Variants in PDZRN4 observed in about 807,000 individuals in gnomAD.
The protein encoded by PDZRN4 is PDZ domain-containing RING finger protein 4.
PDZRN4 carries 70 observed loss-of-function variants against 99.0 expected under a neutral mutation model. That is an observed-to-expected ratio of 0.71 (90% confidence interval 0.58 to 0.86). PDZRN4 has a LOEUF of 0.86. Among genes scored for constraint, PDZRN4 ranks in the 40% least tolerant of loss-of-function variants. The pLI is 0.00. For missense variants in PDZRN4, 1,474 were observed against 1,331.2 expected (o/e 1.11, Z -1.67); for synonymous variants, 551 against 501.6 (o/e 1.10, Z -1.32).
At chr12:41,291,257 T>A (rs747236529) in intron 3 of PDZRN4, among the ~76,000 whole-genome samples, 3 of 135,562 alleles carry the variant, frequency 2.2e-5, no homozygotes, top group African/African-American at 5.3e-5. Flanking sequence ...ACACTATTAT[T>A]TGTTCTAATA....
intron 3 of PDZRN4, among the ~76,000 whole-genome samples, chr12:41,450,051 A>C (rs998011892): frequency 6.6e-6 from 1 of 152,156 alleles, no homozygotes; most frequent in African/African-American, 2.4e-5. Flanking sequence ...AATTTCTTCA[A>C]CTGCAAATAT....
chr12:41,233,962 C>A (rs1446077385), intron 3 of PDZRN4, among the ~76,000 whole-genome samples: 1 of 150,888 alleles, frequency 6.6e-6, no homozygotes, highest in African/African-American at 2.4e-5. Context: ...AAAAAAAAAA[C>A]AAAGAAATCT....
chr12:41,295,251 A>C (rs1048145044), intron 3 of PDZRN4, among the ~76,000 whole-genome samples: 1 of 152,192 alleles, frequency 6.6e-6, no homozygotes, highest in Non-Finnish European at 1.5e-5. Context: ...ATGAAAATTA[A>C]AAAAAGGATT....
chr12:41,372,067 T>C (rs1283535710), intron 3 of PDZRN4, among the ~76,000 whole-genome samples: 1 of 152,084 alleles, frequency 6.6e-6, no homozygotes, highest in Non-Finnish European at 1.5e-5. Flanking sequence ...TTTTTATTGA[T>C]AGTCTTTTAA....
At chr12:41,447,278 G>A (rs1952737400) in intron 3 of PDZRN4, among the ~76,000 whole-genome samples, 4 of 152,130 alleles carry the variant, frequency 2.6e-5, no homozygotes, top group Non-Finnish European at 4.4e-5. Context: ...TATAATGTTT[G>A]AAGTTGACTT....
At chr12:41,326,431 A>G (rs2120983115) in intron 3 of PDZRN4, among the ~76,000 whole-genome samples, 1 of 152,180 alleles carries the variant, frequency 6.6e-6, no homozygotes, top group Non-Finnish European at 1.5e-5. Flanking sequence ...ATAAACTTCA[A>G]ATTCCATTAA....
intron 3 of PDZRN4, among the ~76,000 whole-genome samples, chr12:41,364,596 A>G (rs1417364059): frequency 6.6e-6 from 1 of 152,110 alleles, no homozygotes; most frequent in Non-Finnish European, 1.5e-5. Flanking sequence ...ACAGCTTTCT[A>G]AATCATCTAT....
At chr12:41,482,247 T>C (rs888601864) in intron 3 of PDZRN4, among the ~76,000 whole-genome samples, 1 of 152,144 alleles carries the variant, frequency 6.6e-6, no homozygotes, top group Non-Finnish European at 1.5e-5. Context: ...CCTTGTCATC[T>C]CTCTCTGATA....
rs1950713699 is a variant in PDZRN4 at position 41,188,875 on chromosome 12, C to T, written c.420C>T (p.Gly140=). The part of the protein sequence containing the change: ...RGGCGPTPRA[G]RGGGARGGPP... ...GCTGCGGTCCGACACCCAGGGCTGG[C>T]CGGGGCGGGGGCGCGCGCGGGGGGC... is the stretch of plus-strand genomic sequence containing the variant. The change falls in exon 1 of 10, where the codon GGC becomes GGT. Residue 140 remains glycine, a synonymous_variant. Coordinates refer to ENST00000402685, the MANE Select transcript of PDZRN4 (RefSeq NM_001164595.2). 2 of 1,147,144 alleles carry T rather than the reference C, an allele frequency of 1.7e-6. No individual in the cohort carries two copies. Among genetic ancestry groups the T allele is most frequent in the South Asian group, 4.2e-5 (1 of 23,716 alleles). 71.1% of individuals were successfully genotyped at this position (1,147,144 alleles called of 1,614,324 possible). A position where few individuals can be genotyped will look rare whatever the true frequency, so the allele number is the denominator to read the frequency against.
chr12:41,284,212 C>A (rs1360795353), intron 3 of PDZRN4, among the ~76,000 whole-genome samples: 3 of 152,026 alleles, frequency 2.0e-5, no homozygotes, highest in East Asian at 1.9e-4. Flanking sequence ...TCCTATACAC[C>A]AATAACAGAC....
At chr12:41,492,104 T>G (rs79893517) in intron 3 of PDZRN4, among the ~76,000 whole-genome samples, 1 of 152,162 alleles carries the variant, frequency 6.6e-6, no homozygotes, top group African/African-American at 2.4e-5. Flanking sequence ...GTACAACTTC[T>G]AAATCCCACC....
chr12:41,273,726 T>C (rs1951331561), intron 3 of PDZRN4, among the ~76,000 whole-genome samples: 2 of 152,134 alleles, frequency 1.3e-5, no homozygotes. Context: ...AAAATCTTAT[T>C]TTTAATTGAT....
intron 3 of PDZRN4, among the ~76,000 whole-genome samples, chr12:41,372,972 G>T (rs1055927727): frequency 6.6e-6 from 1 of 152,064 alleles, no homozygotes; most frequent in East Asian, 1.9e-4. Context: ...AGAAATAAAG[G>T]GACAGAGTAC....
intron 3 of PDZRN4, among the ~76,000 whole-genome samples, chr12:41,351,484 C>G (rs968377968): frequency 1.3e-5 from 2 of 152,004 alleles, no homozygotes; most frequent in African/African-American, 4.8e-5. Context: ...GTTCTATAGG[C>G]TGTACAGATT....
intron 3 of PDZRN4, among the ~76,000 whole-genome samples, chr12:41,386,454 C>T (rs1387746933): frequency 1.3e-5 from 2 of 152,168 alleles, no homozygotes; most frequent in Non-Finnish European, 2.9e-5. Flanking sequence ...CTACAAACCA[C>T]TGCTCAAAGA....
chr12:41,552,763 C>T lies in PDZRN4; in HGVS notation c.1302+9C>T, dbSNP rs758928103. 46 of 1,604,480 alleles carry T rather than the reference C, an allele frequency of 2.9e-5. No homozygotes were observed. The highest frequency in any genetic ancestry group is 4.5e-5 in the East Asian group (2 of 44,812). ...GCATTTATGTCAGCGAGGTAAGAAACGCCATGGAGGGGAAATTCGAGGAGG... is the reference window on the plus strand; with the variant it reads ...GCATTTATGTCAGCGAGGTAAGAAATGCCATGGAGGGGAAATTCGAGGAGG... On this transcript the variant is annotated intron_variant, in intron 6 of 9. Transcript: ENST00000402685.
intron 3 of PDZRN4, among the ~76,000 whole-genome samples, chr12:41,497,892 A>G (rs1938037233): frequency 1.3e-5 from 2 of 152,126 alleles, no homozygotes; most frequent in African/African-American, 4.8e-5. Flanking sequence ...CTATTCATCT[A>G]TCAATTCCTT....
intron 2 of PDZRN4, among the ~76,000 whole-genome samples, chr12:41,193,271 G>A (rs1020651288): frequency 6.6e-6 from 1 of 152,092 alleles, no homozygotes; most frequent in African/African-American, 2.4e-5. Flanking sequence ...TTTTTAAAAA[G>A]TCTCTTAAAA....
At chr12:41,376,200 A>G (rs1201535851) in intron 3 of PDZRN4, among the ~76,000 whole-genome samples, 2 of 152,158 alleles carry the variant, frequency 1.3e-5, no homozygotes, top group Non-Finnish European at 2.9e-5. Flanking sequence ...GAGTGCTGGT[A>G]TCTTTTCAAC....
Sources: gnomAD v4.1 joint callset for allele counts (sites outside exome capture counted in the v4.1 genomes callset) on GRCh38, gnomAD v4.1.1 for gene constraint, MANE v1.5 for transcripts, NCBI Gene and HGNC (gene_info 2026-07-23, HGNC 2026-07-21) for gene names.